The following SNRNP70 variants were observed in gnomAD, a reference collection of about 807,000 sequenced individuals.
SNRNP70 encodes the protein U1 small nuclear ribonucleoprotein 70 kDa.
A neutral mutation model predicts 50.5 loss-of-function variants in SNRNP70; 8 were observed. That is an observed-to-expected ratio of 0.16 (90% CI 0.09 to 0.29). The LOEUF is 0.29. SNRNP70 is among the 10% of genes least tolerant of loss of function. SNRNP70 has a pLI of 1.00. For synonymous variants in SNRNP70, 320 were observed against 252.9 expected (o/e 1.27, Z -2.52); for missense variants, 529 against 663.5 (o/e 0.80, Z 2.23).
In SNRNP70 at chr19:49,107,828, GGACCGGGACCGT is replaced by G; in HGVS notation, c.702_713del (p.Asp234_Arg237del). On this transcript the variant is annotated inframe_deletion, in exon 10 of 10. Transcript: ENST00000598441. The surrounding 1 kb of genome is among the most constrained non-coding windows in gnomAD (Gnocchi z 6.0). ...CCTCCCCGCTTCCGCACAGGGACCGGGACCGGGACCGTGAGCGGGAGCGCAGAGAGCGGAGCC... is the reference window on the plus strand; with the variant it reads ...CCTCCCCGCTTCCGCACAGGGACCGGGAGCGGGAGCGCAGAGAGCGGAGCC... The G allele has an allele frequency of 6.3e-7, 1 of 1,587,124 alleles. No individual in the cohort carries two copies. The highest frequency in any genetic ancestry group is 1.1e-5 in the South Asian group (1 of 88,064).
intron 4 of SNRNP70, chr19:49,090,766 A>C (rs2040437830): frequency 5.4e-6 from 3 of 555,096 alleles, no homozygotes; most frequent in Non-Finnish European, 9.7e-6. Context: ...CCTGCATGGG[A>C]GGACAGTTAA....
rs561478401 is a variant in SNRNP70 at position 49,091,719 on chromosome 19, G to T, written c.265+1199G>T. On this transcript the variant is annotated intron_variant, in intron 4 of 9. Transcript: ENST00000598441. ...TGCAGGATTTCCTCACGGTGCTTAC[G>T]CAGAAGCGTGACAGAGACATCTGGC... Among the ~76,000 whole-genome samples the T allele has an allele frequency of 1.8e-4, 28 of 152,224 alleles. No individual in the cohort carries two copies. In the South Asian group the frequency reaches 3.9e-3, roughly 21 times the overall value.
rs746617472 is a variant in SNRNP70, at chr19:49,107,620, C to G, written c.578-5C>G. The G allele has an allele frequency of 6.2e-7, 1 of 1,613,868 alleles. No individual in the cohort carries two copies. The highest frequency in any genetic ancestry group is 1.1e-5 in the South Asian group (1 of 91,060). ...TTCACCCTCTGTCCGTCTGCCCTGC[C>G]CCAGGAGGAGGCCTCGGTGGTACCA... is the stretch of plus-strand genomic sequence containing the variant. On this transcript the variant is annotated splice_region_variant and splice_polypyrimidine_tract_variant and intron_variant, in intron 8 of 9. Coordinates refer to ENST00000598441, the MANE Select transcript of SNRNP70 (RefSeq NM_003089.6). This position sits in a 1 kb window ranked among gnomAD's most constrained non-coding sequence, Gnocchi z 6.0.
intron 4 of SNRNP70, among the ~76,000 whole-genome samples, chr19:49,092,411 C>G (rs979255072): frequency 1.3e-4 from 18 of 143,902 alleles, no homozygotes; most frequent in Non-Finnish European, 1.5e-4. Flanking sequence ...CTGGTCACCC[C>G]CCTCCTTTTT....
intron 4 of SNRNP70, 90 bp from the exon 5 acceptor site, chr19:49,098,337 T>G: frequency 9.1e-7 from 1 of 1,100,148 alleles, no homozygotes; most frequent in African/African-American, 1.6e-5. Context: ...AATGCCACCG[T>G]TTTCTTCTTG....
chr19:49,102,235 G>A (rs1334743042), intron 7 of SNRNP70: 19 of 1,250,750 alleles, frequency 1.5e-5, no homozygotes, highest in Non-Finnish European at 2.0e-5. Context: ...GCCCAGCTTA[G>A]CCAGGCAGCT....
At chr19:49,088,829 C>G (rs564349860) in intron 2 of SNRNP70, among the ~76,000 whole-genome samples, 1 of 152,206 alleles carries the variant, frequency 6.6e-6, no homozygotes, top group East Asian at 1.9e-4. Context: ...TTGATGAGAC[C>G]TTTAAGAGCT....
rs202173505 is a variant in SNRNP70, at chr19:49,108,358, G to A, written c.1229G>A (p.Ser410Asn). The change falls in exon 10 of 10, where the codon AGC becomes AAC. Residue 410 changes from serine to asparagine, a missense_variant. Ser to Asn is a conservative substitution (Grantham distance 46, BLOSUM62 1). Transcript: ENST00000598441. ...DNGLEGLGND[S>N]RDMYMESEGG... is the part of the protein sequence containing the mutation. ...GGGCTGGAGGGTCTGGGCAACGACA[G>A]CCGAGACATGTACATGGAGTCTGAG... The A allele has an allele frequency of 1.3e-4, 211 of 1,609,818 alleles. No individual in the cohort carries two copies. Among genetic ancestry groups the A allele is most frequent in the Non-Finnish European group, 1.7e-4 (195 of 1,178,176 alleles).
At position 49,092,609 on chromosome 19, in the gene SNRNP70, A is replaced by G. The variant is rs182703465; in HGVS notation, c.265+2089A>G. ...ATTTTAGTAGAGATGGGGTTTCACC[A>G]TGTTGGCCAGGCTGGCCTCGAACTC... On this transcript the variant is annotated intron_variant, in intron 4 of 9. Coordinates refer to ENST00000598441, the MANE Select transcript of SNRNP70 (RefSeq NM_003089.6). 4.0e-3 allele frequency among the ~76,000 whole-genome samples: 602 copies of G among 150,960 alleles called. 6 individuals carry two copies. The highest frequency in any genetic ancestry group is 0.013 in the African/African-American group (536 of 41,016).
chr19:49,100,826 A>T (rs1035905612), intron 6 of SNRNP70, among the ~76,000 whole-genome samples: 1 of 141,872 alleles, frequency 7.0e-6, no homozygotes, highest in Non-Finnish European at 1.5e-5. Flanking sequence ...AAAAAAAAAA[A>T]GAATTCCCGT....
At position 49,104,376 on chromosome 19, in the gene SNRNP70, G is replaced by C. The variant is rs549400668; in HGVS notation, c.476-258G>C. 12 of 460,198 alleles carry C rather than the reference G, an allele frequency of 2.6e-5. No individual in the cohort carries two copies. Among genetic ancestry groups the C allele is most frequent in the Non-Finnish European group, 4.7e-5 (12 of 254,866 alleles). 28.5% of individuals were successfully genotyped at this position (460,198 alleles called of 1,614,324 possible). On this transcript the variant is annotated intron_variant, in intron 7 of 9. Transcript: ENST00000598441. This position sits in a 1 kb window ranked among gnomAD's most constrained non-coding sequence, Gnocchi z 5.4. The stretch of plus-strand genomic sequence containing the variant: ...AGAGGAAGGGCCGGGGAGCCTAGGG[G>C]GTGGCGGGTGAGGGTGGACGTCTCC...
chr19:49,098,147 G>T (rs979474082), intron 4 of SNRNP70, among the ~76,000 whole-genome samples: 1 of 152,202 alleles, frequency 6.6e-6, no homozygotes, highest in Admixed American at 6.5e-5. Context: ...TGAAATGGCA[G>T]TTGGGCCTGC....
intron 4 of SNRNP70, among the ~76,000 whole-genome samples, chr19:49,096,216 C>T (rs547500033): frequency 1.6e-4 from 24 of 151,842 alleles, no homozygotes; most frequent in African/African-American, 5.3e-4. Flanking sequence ...CACCACCATG[C>T]CCTGGTAATT....
chr19:49,098,831 T>A, intron 6 of SNRNP70, 127 bp downstream of exon 6: 1 of 759,610 alleles, frequency 1.3e-6, no homozygotes. Flanking sequence ...GATTTATGCA[T>A]CCTGACTGTA....
At chr19:49,095,888 A>G (rs1372674025) in intron 4 of SNRNP70, among the ~76,000 whole-genome samples, 1 of 150,686 alleles carries the variant, frequency 6.6e-6, no homozygotes, top group East Asian at 2.0e-4. Flanking sequence ...GGCACATAGT[A>G]GATGCTTAAG....
intron 8 of SNRNP70, among the ~76,000 whole-genome samples, chr19:49,106,292 A>G (rs751275981): frequency 1.3e-5 from 2 of 152,216 alleles, no homozygotes; most frequent in African/African-American, 2.4e-5. Context: ...TTCAATTGCC[A>G]TTCAAACTTT....
At chr19:49,091,911 C>T (rs1950599517) in intron 4 of SNRNP70, among the ~76,000 whole-genome samples, 1 of 152,186 alleles carries the variant, frequency 6.6e-6, no homozygotes, top group African/African-American at 2.4e-5. Flanking sequence ...GTCATGACCT[C>T]ATTTTTTGCC....
At position 49,107,067 on chromosome 19, in the gene SNRNP70, A is replaced by AG. The variant is rs982740438; in HGVS notation, c.578-554dup. ...TGAGCGTGAGTTCACCAGAGAAGGA[A>AG]GGGGAGACCAGTCCAGGGCAAGGAG... On this transcript the variant is annotated intron_variant, in intron 8 of 9. Transcript: ENST00000598441. The surrounding 1 kb of genome is among the most constrained non-coding windows in gnomAD (Gnocchi z 6.0). 6.6e-6 allele frequency among the ~76,000 whole-genome samples: 1 copy of AG among 152,106 alleles called. No homozygotes were observed. Among genetic ancestry groups the AG allele is most frequent in the Non-Finnish European group, 1.5e-5 (1 of 68,012 alleles).
At chr19:49,093,693 C>CAAAAAAAAAAAAAAAAA (rs376626601) in intron 4 of SNRNP70, among the ~76,000 whole-genome samples, 1 of 123,152 alleles carries the variant, frequency 8.1e-6, no homozygotes, top group African/African-American at 3.1e-5. Flanking sequence ...AAAAAAAAAA[C>CAAAAAAAAAAAAAAAAA]AAAAAAAAAA....
Sources: gnomAD v4.1 joint callset for allele counts (sites outside exome capture counted in the v4.1 genomes callset) on GRCh38, gnomAD v4.1.1 for gene constraint, Gnocchi (gnomAD v3.1) non-coding constraint, MANE v1.5 for transcripts, NCBI Gene and HGNC (gene_info 2026-07-23, HGNC 2026-07-21) for gene names.